SPAG16: variants seen among roughly 807,000 people sequenced by gnomAD.
The protein encoded by SPAG16 is sperm-associated antigen 16 protein.
SPAG16 carries 86 observed loss-of-function variants against 80.4 expected under a neutral mutation model. The ratio of observed to expected loss-of-function variants is 1.07; its 90% CI spans 0.90 to 1.28. The LOEUF (loss-of-function observed/expected upper bound fraction) is 1.28, where lower values mean the gene tolerates loss of function less well. SPAG16 is among the 50% of genes most tolerant of loss of function. The pLI is 0.00. For missense variants in SPAG16, 870 were observed against 765.3 expected (o/e 1.14, Z -1.61); for synonymous variants, 294 against 265.9 (o/e 1.11, Z -1.03).
intron 13 of SPAG16, among the ~76,000 whole-genome samples, chr2:214,106,685 C>T (rs1244218021): frequency 1.3e-5 from 2 of 152,054 alleles, no homozygotes; most frequent in African/African-American, 4.8e-5. Flanking sequence ...TTTGGTAGCT[C>T]ATTTTGCAAT....
intron 15 of SPAG16, among the ~76,000 whole-genome samples, chr2:214,214,112 T>C (rs938185158): frequency 6.6e-6 from 1 of 152,114 alleles, no homozygotes; most frequent in African/African-American, 2.4e-5. Flanking sequence ...AACAATTTGC[T>C]TTCTTATATC....
chr2:214,345,252 T>C (rs1697980460), intron 15 of SPAG16, among the ~76,000 whole-genome samples: 1 of 152,148 alleles, frequency 6.6e-6, no homozygotes, highest in Non-Finnish European at 1.5e-5. Context: ...TGAAATTGAC[T>C]TGCCATTTGC....
chr2:213,486,202 T>C (rs2073964108), intron 9 of SPAG16, among the ~76,000 whole-genome samples: 1 of 152,136 alleles, frequency 6.6e-6, no homozygotes, highest in Non-Finnish European at 1.5e-5. Context: ...GTACCCATTA[T>C]TCAACCTCTC....
At chr2:213,737,269 G>A (rs2067323462) in intron 10 of SPAG16, among the ~76,000 whole-genome samples, 1 of 152,042 alleles carries the variant, frequency 6.6e-6, no homozygotes, top group South Asian at 2.1e-4. Context: ...TTCTATTCAC[G>A]TTTGCACTTT....
At chr2:214,027,019 A>G (rs555530869) in intron 13 of SPAG16, among the ~76,000 whole-genome samples, 104 of 151,648 alleles carry the variant, frequency 6.9e-4, no homozygotes, top group African/African-American at 2.4e-3. Context: ...TTTCAAAGAA[A>G]CTTTATTCCA....
chr2:213,350,992 A>T (rs943719948), intron 7 of SPAG16, among the ~76,000 whole-genome samples: 1 of 151,652 alleles, frequency 6.6e-6, no homozygotes, highest in Non-Finnish European at 1.5e-5. Flanking sequence ...ACAAAAAACA[A>T]ATAGCCGGGT....
Position 213,414,889 on chromosome 2 carries a change from G to A in SPAG16, c.942+39770G>A, listed in dbSNP as rs559577639. On this transcript the variant is annotated intron_variant, in intron 9 of 15. Transcript: ENST00000331683. ...TGCTTCATTCTTGGTAGAATGTGCT[G>A]TCTGTTCTTTGTGACATAGTCACAT... Among the ~76,000 whole-genome samples the A allele has an allele frequency of 3.1e-3, 468 of 152,320 alleles. 2 individuals are homozygous for A. The highest frequency in any genetic ancestry group is 0.01 in the African/African-American group (425 of 41,566).
At position 213,636,438 on chromosome 2, in the gene SPAG16, C is replaced by T. The variant is rs115206990; in HGVS notation, c.1070+146348C>T. 1.8e-3 allele frequency among the ~76,000 whole-genome samples: 268 copies of T among 152,064 alleles called. 1 individual carries two copies. Among genetic ancestry groups the T allele is most frequent in the African/African-American group, 6.3e-3 (260 of 41,504 alleles). ...GTCTTGTTTTGATCATGTGTGTGCA[C>T]TCATTTTTGGTTCCATGTGAATTTT... On this transcript the variant is annotated intron_variant, in intron 10 of 15. Coordinates refer to ENST00000331683, the MANE Select transcript of SPAG16 (RefSeq NM_024532.5).
At chr2:214,343,395 C>T (rs1390251670) in intron 15 of SPAG16, among the ~76,000 whole-genome samples, 1 of 151,898 alleles carries the variant, frequency 6.6e-6, no homozygotes, top group Non-Finnish European at 1.5e-5. Context: ...TTATTTTTAA[C>T]ACACATGAGT....
In SPAG16 at chr2:213,594,790, T is replaced by G. The variant is rs541752312; in HGVS notation, c.1070+104700T>G. On this transcript the variant is annotated intron_variant, in intron 10 of 15. Transcript: ENST00000331683. The stretch of plus-strand genomic sequence containing the variant: ...CAGATGTTTGCGAACTGACACAAAC[T>G]TTTTCATTCTTTTTAAATCCTTCGT... Among the ~76,000 whole-genome samples, 3 of 152,324 alleles carry G rather than the reference T, an allele frequency of 2.0e-5. No homozygotes were observed. The South Asian group carries it at 6.2e-4, about 32-fold the overall frequency.
At chr2:213,742,484 C>T (rs1197687844) in intron 10 of SPAG16, among the ~76,000 whole-genome samples, 1 of 151,692 alleles carries the variant, frequency 6.6e-6, no homozygotes, top group South Asian at 2.1e-4. Context: ...GATCACCTCA[C>T]ATAAAATTAT....
At chr2:213,796,830 A>C (rs1344981477) in intron 10 of SPAG16, among the ~76,000 whole-genome samples, 1 of 152,144 alleles carries the variant, frequency 6.6e-6, no homozygotes, top group East Asian at 1.9e-4. Context: ...TATTAAAAAA[A>C]AGTTAACTAT....
At chr2:213,590,381 C>T (rs1006571801) in intron 10 of SPAG16, among the ~76,000 whole-genome samples, 4 of 151,516 alleles carry the variant, frequency 2.6e-5, no homozygotes, top group African/African-American at 9.7e-5. Flanking sequence ...TTTGGAATCC[C>T]CAATGTTTGC....
chr2:214,072,463 C>T (rs1211591627), intron 13 of SPAG16, among the ~76,000 whole-genome samples: 3 of 151,980 alleles, frequency 2.0e-5, no homozygotes, highest in Non-Finnish European at 2.9e-5. Flanking sequence ...ACCTTGAGTA[C>T]AAATCATTTT....
At chr2:213,781,167 A>G (rs2069938392) in intron 10 of SPAG16, among the ~76,000 whole-genome samples, 1 of 152,086 alleles carries the variant, frequency 6.6e-6, no homozygotes. Flanking sequence ...CCATTCCTCA[A>G]GCCTTCCATC....
At chr2:214,237,530 T>A (rs1689160577) in intron 15 of SPAG16, among the ~76,000 whole-genome samples, 1 of 152,162 alleles carries the variant, frequency 6.6e-6, no homozygotes, top group Non-Finnish European at 1.5e-5. Context: ...GTTAAATGAT[T>A]AATACATATA....
At chr2:213,508,573 C>T (rs746340716) in intron 10 of SPAG16, among the ~76,000 whole-genome samples, 150 of 151,400 alleles carry the variant, frequency 9.9e-4, no homozygotes, top group Non-Finnish European at 1.6e-3. Context: ...AGTGAGACTC[C>T]GTCTCAAAAG....
At chr2:214,173,604 G>A (rs2056961738) in intron 15 of SPAG16, among the ~76,000 whole-genome samples, 1 of 151,888 alleles carries the variant, frequency 6.6e-6, no homozygotes, top group South Asian at 2.1e-4. Flanking sequence ...ACCAAAAAGA[G>A]TCCAGGACCA....
intron 15 of SPAG16, among the ~76,000 whole-genome samples, chr2:214,372,153 G>A (rs1699863669): frequency 6.6e-6 from 1 of 152,106 alleles, no homozygotes; most frequent in South Asian, 2.1e-4. Flanking sequence ...TCAGATATTA[G>A]TGATTCTTTA....
Sources: allele counts gnomAD v4.1 joint callset (sites outside exome capture counted in the v4.1 genomes callset), GRCh38; gene constraint gnomAD v4.1.1; transcripts MANE v1.5; gene names NCBI Gene and HGNC (gene_info 2026-07-23, HGNC 2026-07-21).